The following FRY variants were observed in gnomAD, a reference collection of about 807,000 sequenced individuals.
The protein encoded by FRY is FRY microtubule binding protein, also known as protein furry homolog.
A neutral mutation model predicts 348.4 loss-of-function variants in FRY; 128 were observed. That is an observed-to-expected ratio of 0.37 (90% CI 0.32 to 0.43). The LOEUF (loss-of-function observed/expected upper bound fraction) is 0.43, where lower values mean the gene tolerates loss of function less well. FRY is among the 20% of genes least tolerant of loss of function. FRY has a pLI of 1.00. For missense variants in FRY, 2,736 were observed against 3,695.2 expected (o/e 0.74, Z 6.73); for synonymous variants, 1,370 against 1,374.7 (o/e 1.00, Z 0.08).
At chr13:32,101,810 T>G (rs753634454) in intron 2 of FRY, among the ~76,000 whole-genome samples, 153 bp from the exon 3 acceptor site, 1 of 152,140 alleles carries the variant, frequency 6.6e-6, no homozygotes, top group Non-Finnish European at 1.5e-5. Context: ...TTACAATACC[T>G]AAGGGAGAAT....
chr13:32,166,699 C>G, intron 17 of FRY, among the ~76,000 whole-genome samples: 1 of 152,188 alleles, frequency 6.6e-6, no homozygotes, highest in East Asian at 1.9e-4. Flanking sequence ...GGGACAGACA[C>G]AGGGAGGGAG....
chr13:32,158,089 T>A (rs1181527467), intron 16 of FRY, among the ~76,000 whole-genome samples: 8 of 152,240 alleles, frequency 5.3e-5, no homozygotes, highest in Non-Finnish European at 1.0e-4. Context: ...ACTGCAAATA[T>A]AAGAATTAAT....
chr13:32,078,749 T>C (rs901470350), intron 1 of FRY, 85 bp from the exon 2 acceptor site: 1 of 1,002,384 alleles, frequency 1.0e-6, no homozygotes. Flanking sequence ...ATGATTCATA[T>C]CCTGATATTT....
chr13:32,212,209 T>C (rs1884726338), intron 34 of FRY, 83 bp from the exon 35 acceptor site: 2 of 772,082 alleles, frequency 2.6e-6, no homozygotes, highest in Non-Finnish European at 4.5e-6. Context: ...CAGGAAATCT[T>C]TCCCTGGAAT....
In FRY at chr13:32,296,106, G is replaced by A. The variant is rs1268977527; in HGVS notation, c.*646G>A. On this transcript the variant is annotated 3_prime_UTR_variant, in exon 61 of 61. Coordinates refer to ENST00000542859, the MANE Select transcript of FRY (RefSeq NM_023037.3). ...TGCTATGAAGTACCTTTCTTATGTTGCTAGGCTACTGTTTCTGAAAGCCCT... is the reference window on the plus strand; with the variant it reads ...TGCTATGAAGTACCTTTCTTATGTTACTAGGCTACTGTTTCTGAAAGCCCT... The A allele has an allele frequency of 3.3e-5, 5 of 152,858 alleles. No homozygotes were observed. Among genetic ancestry groups the A allele is most frequent in the Non-Finnish European group, 7.3e-5 (5 of 68,260 alleles). The allele number at this position is 152,858 out of a possible 1,614,324, so 9.5% of individuals were successfully genotyped here. A position where few individuals can be genotyped will look rare whatever the true frequency, so the allele number is the denominator to read the frequency against.
intron 1 of FRY, among the ~76,000 whole-genome samples, chr13:32,062,206 T>C (rs146297535): frequency 6.6e-6 from 1 of 151,908 alleles, no homozygotes; most frequent in East Asian, 1.9e-4. Flanking sequence ...TTTTAGTGTA[T>C]AACAAGCATA....
intron 31 of FRY, among the ~76,000 whole-genome samples, chr13:32,206,151 T>C (rs1048717473): frequency 2.0e-5 from 3 of 151,482 alleles, no homozygotes; most frequent in Non-Finnish European, 4.4e-5. Context: ...CACAGAAGGA[T>C]GGAAGGGATT....
At chr13:32,101,423 G>T (rs1327578058) in intron 2 of FRY, among the ~76,000 whole-genome samples, 1 of 152,158 alleles carries the variant, frequency 6.6e-6, no homozygotes, top group Non-Finnish European at 1.5e-5. Flanking sequence ...TAATGCTGCA[G>T]TTAACATGAG....
intron 11 of FRY, among the ~76,000 whole-genome samples, chr13:32,142,215 A>G (rs1033025291): frequency 2.6e-5 from 4 of 152,228 alleles, no homozygotes; most frequent in African/African-American, 4.8e-5. Context: ...ATACTATTAA[A>G]GTGAAGTGGA....
At chr13:32,101,540 T>C (rs77876095) in intron 2 of FRY, among the ~76,000 whole-genome samples, 3,875 of 152,290 alleles carry the variant, frequency 0.025, 65 homozygotes, top group Non-Finnish European at 0.038. Flanking sequence ...TTGAAAATCC[T>C]CCATACTTTT....
intron 29 of FRY, among the ~76,000 whole-genome samples, chr13:32,194,817 C>T (rs1290893861): frequency 6.6e-6 from 1 of 152,174 alleles, no homozygotes; most frequent in African/African-American, 2.4e-5. Context: ...TCAGTGTAGC[C>T]ATTCAGCATG....
intron 13 of FRY, 65 bp from the exon 14 acceptor site, chr13:32,149,683 A>G: frequency 3.1e-6 from 3 of 955,110 alleles, no homozygotes; most frequent in Non-Finnish European, 5.1e-6. Context: ...TATTGATGAA[A>G]ATAGCCATTT....
At chr13:32,159,420 C>T (rs999824482) in intron 16 of FRY, among the ~76,000 whole-genome samples, 15 of 152,092 alleles carry the variant, frequency 9.9e-5, no homozygotes, top group Admixed American at 2.6e-4. Context: ...CTGTGTTGCT[C>T]AGTCTTTATT....
chr13:32,265,688 T>A, intron 54 of FRY, 72 bp downstream of exon 54: 1 of 1,435,990 alleles, frequency 7.0e-7, no homozygotes, highest in Non-Finnish European at 9.7e-7. Context: ...ACACTCAAGT[T>A]AAGTGTCACA....
In FRY at chr13:32,239,912, G is replaced by A. The variant is rs1886413118; in HGVS notation, c.6687+31G>A. 6.3e-7 allele frequency: 1 copy of A among 1,586,200 alleles called. No individual in the cohort carries two copies. The highest frequency in any genetic ancestry group is 8.6e-7 in the Non-Finnish European group (1 of 1,157,790). On this transcript the variant is annotated intron_variant, in intron 46 of 60. Coordinates refer to ENST00000542859, the MANE Select transcript of FRY (RefSeq NM_023037.3). This position sits in a 1 kb window ranked among gnomAD's most constrained non-coding sequence, Gnocchi z 4.3. ...CTTTTTTTTTTTGTTTTTTGAGACAGGGTCTCATTATGTTGCCCAGGCTGA... is the reference window on the plus strand; with the variant it reads ...CTTTTTTTTTTTGTTTTTTGAGACAAGGTCTCATTATGTTGCCCAGGCTGA...
chr13:32,063,755 A>G (rs896719550), intron 1 of FRY, among the ~76,000 whole-genome samples: 1 of 152,176 alleles, frequency 6.6e-6, no homozygotes, highest in African/African-American at 2.4e-5. Flanking sequence ...ACCCTTAGTC[A>G]CGTTCTCAGC....
chr13:32,107,050 A>C (rs1877598016), intron 3 of FRY, among the ~76,000 whole-genome samples: 1 of 152,212 alleles, frequency 6.6e-6, no homozygotes, highest in South Asian at 2.1e-4. Flanking sequence ...ATTACACTCC[A>C]ACTCTGTAAG....
chr13:32,229,136 A>G (rs992013999), intron 40 of FRY, among the ~76,000 whole-genome samples: 1 of 152,268 alleles, frequency 6.6e-6, no homozygotes, highest in African/African-American at 2.4e-5. Context: ...GTCAGAAACC[A>G]GAAACAATAG....
At chr13:32,145,526 G>GTTTT (rs59585678) in intron 11 of FRY, among the ~76,000 whole-genome samples, 38 of 91,478 alleles carry the variant, frequency 4.2e-4, no homozygotes, top group East Asian at 2.3e-3. Flanking sequence ...TGACTGATTT[G>GTTTT]TTTTTTTTTT....
Sources: gnomAD v4.1 joint callset for allele counts (sites outside exome capture counted in the v4.1 genomes callset) on GRCh38, gnomAD v4.1.1 for gene constraint, Gnocchi (gnomAD v3.1) non-coding constraint, MANE v1.5 for transcripts, NCBI Gene and HGNC (gene_info 2026-07-23, HGNC 2026-07-21) for gene names.